The following ADGRB3 variants were observed in gnomAD, a reference collection of about 807,000 sequenced individuals.
The protein encoded by ADGRB3 is brain-specific angiogenesis inhibitor 3.
A neutral mutation model predicts 193.4 loss-of-function variants in ADGRB3; 37 were observed. That is an observed-to-expected ratio of 0.19 (90% confidence interval 0.15 to 0.25). ADGRB3 has a LOEUF of 0.25. Among genes scored for constraint, ADGRB3 ranks in the 10% least tolerant of loss-of-function variants. The pLI is 1.00. For synonymous variants in ADGRB3, 690 were observed against 644.2 expected (o/e 1.07, Z -1.08); for missense variants, 1,637 against 1,852.9 (o/e 0.88, Z 2.14).
At chr6:68,880,422 A>T (rs575403314) in intron 3 of ADGRB3, among the ~76,000 whole-genome samples, 4 of 152,338 alleles carry the variant, frequency 2.6e-5, no homozygotes, top group African/African-American at 9.6e-5. Context: ...TCTTAAGTGT[A>T]AAAACTCTTA....
chr6:69,102,177 CAAAAA>C (rs777752874), intron 17 of ADGRB3, among the ~76,000 whole-genome samples: 1 of 91,110 alleles, frequency 1.1e-5, no homozygotes, highest in East Asian at 2.7e-4. Flanking sequence ...GACTCCGTCT[CAAAAA>C]AAAAAAAAAA....
At chr6:69,326,956 C>G (rs868624920) in intron 21 of ADGRB3, among the ~76,000 whole-genome samples, 3 of 152,164 alleles carry the variant, frequency 2.0e-5, no homozygotes, top group Non-Finnish European at 4.4e-5. Flanking sequence ...TTCCATAGTT[C>G]TTGTCATTAA....
chr6:69,017,838 G>A (rs946950832), intron 12 of ADGRB3, among the ~76,000 whole-genome samples: 3 of 151,822 alleles, frequency 2.0e-5, no homozygotes, highest in Non-Finnish European at 1.5e-5. Context: ...TACATGTAAA[G>A]CACATGCACT....
In ADGRB3 at chr6:68,635,979, C is replaced by G. The variant is rs1292899571; in HGVS notation, c.-209C>G. 1 of 152,714 alleles carries G rather than the reference C, an allele frequency of 6.5e-6. No individual in the cohort carries two copies. 9.5% of individuals were successfully genotyped at this position (152,714 alleles called of 1,614,324 possible). Reference sequence around the variant, plus strand: ...TGCTGGTGTCTTAGAGCAAGAGCCTCCCTGAGCTTTCGGAGTGGAAGGTAA... The same window carrying G: ...TGCTGGTGTCTTAGAGCAAGAGCCTGCCTGAGCTTTCGGAGTGGAAGGTAA... On this transcript the variant is annotated 5_prime_UTR_variant, in exon 1 of 32. Coordinates refer to ENST00000370598, the MANE Select transcript of ADGRB3 (RefSeq NM_001704.3).
intron 3 of ADGRB3, among the ~76,000 whole-genome samples, chr6:68,853,054 A>G (rs12202836): frequency 0.13 from 20,448 of 152,026 alleles, 1,828 homozygotes; most frequent in Middle Eastern, 0.2. Flanking sequence ...ATTTAATTTC[A>G]TACCTGAAAT....
intron 3 of ADGRB3, among the ~76,000 whole-genome samples, chr6:68,776,616 G>C (rs951069145): frequency 6.6e-6 from 1 of 152,164 alleles, no homozygotes; most frequent in Non-Finnish European, 1.5e-5. Flanking sequence ...CACCGTGTGG[G>C]AGAGAGAACT....
intron 3 of ADGRB3, among the ~76,000 whole-genome samples, chr6:68,928,300 A>T (rs932844975): frequency 5.3e-5 from 8 of 152,098 alleles, no homozygotes; most frequent in Admixed American, 2.6e-4. Context: ...CAGAGGTGGG[A>T]GGATCCCTTG....
chr6:68,771,903 C>T (rs751998346), intron 3 of ADGRB3, among the ~76,000 whole-genome samples: 37 of 152,000 alleles, frequency 2.4e-4, no homozygotes, highest in South Asian at 6.2e-4. Flanking sequence ...GCAATCAGCC[C>T]GCACAGCATT....
intron 20 of ADGRB3, among the ~76,000 whole-genome samples, chr6:69,282,425 G>C (rs1302391306): frequency 6.6e-6 from 1 of 152,018 alleles, no homozygotes; most frequent in Non-Finnish European, 1.5e-5. Context: ...ATTTAATGAA[G>C]GCACGGGAGA....
chr6:68,671,568 G>C (rs180729598), intron 3 of ADGRB3, among the ~76,000 whole-genome samples: 2 of 151,958 alleles, frequency 1.3e-5, no homozygotes, highest in East Asian at 3.9e-4. Flanking sequence ...TGAGTGATTT[G>C]CATATGTTGA....
chr6:69,098,562 G>A lies in ADGRB3; in HGVS notation c.2480+22524G>A, dbSNP rs192661401. Among the ~76,000 whole-genome samples, 23 of 152,154 alleles carry A rather than the reference G, an allele frequency of 1.5e-4. 1 individual carries two copies. In the East Asian group the frequency reaches 4.4e-3, roughly 29 times the overall value. On this transcript the variant is annotated intron_variant, in intron 17 of 31. Transcript: ENST00000370598. Reference sequence around the variant, plus strand: ...TTACAATTATGGCAGAAGGTTAAGGGGAAGTGCCACACTTTTAAACCATCC... The same window carrying A: ...TTACAATTATGGCAGAAGGTTAAGGAGAAGTGCCACACTTTTAAACCATCC...
chr6:68,651,217 A>G (rs1235984991), intron 3 of ADGRB3, among the ~76,000 whole-genome samples: 4 of 152,258 alleles, frequency 2.6e-5, no homozygotes, highest in African/African-American at 9.6e-5. Flanking sequence ...GGCAAACTGT[A>G]TATTTTTTAA....
intron 29 of ADGRB3, among the ~76,000 whole-genome samples, chr6:69,370,382 G>A (rs1490795393): frequency 6.6e-6 from 1 of 151,912 alleles, no homozygotes; most frequent in Admixed American, 6.6e-5. Context: ...AATTTTTAAG[G>A]CTTTACTGCT....
chr6:68,799,561 C>T, intron 3 of ADGRB3, among the ~76,000 whole-genome samples: 1 of 151,616 alleles, frequency 6.6e-6, no homozygotes, highest in East Asian at 1.9e-4. Flanking sequence ...ACTGTATCTA[C>T]AAAACATAAA....
intron 10 of ADGRB3, among the ~76,000 whole-genome samples, chr6:68,980,356 A>G (rs1768872648): frequency 6.6e-6 from 1 of 151,534 alleles, no homozygotes; most frequent in Non-Finnish European, 1.5e-5. Context: ...AGCTACAGAC[A>G]GAGAGACCAA....
intron 20 of ADGRB3, among the ~76,000 whole-genome samples, chr6:69,242,716 C>A (rs1582571861): frequency 6.6e-6 from 1 of 151,992 alleles, no homozygotes; most frequent in Non-Finnish European, 1.5e-5. Flanking sequence ...TTTATTATAT[C>A]TTTTCTTAAA....
intron 13 of ADGRB3, among the ~76,000 whole-genome samples, chr6:69,034,075 G>A (rs1582409518): frequency 2.0e-5 from 3 of 152,074 alleles, no homozygotes; most frequent in Admixed American, 2.0e-4. Flanking sequence ...TTGAGACTAA[G>A]ATACTAAAGC....
intron 12 of ADGRB3, among the ~76,000 whole-genome samples, chr6:69,015,872 AC>A (rs1770075197): frequency 6.6e-6 from 1 of 151,916 alleles, no homozygotes; most frequent in Non-Finnish European, 1.5e-5. Flanking sequence ...TCTATAGAGC[AC>A]CACTTTACAC....
At chr6:69,365,680 A>G (rs1769552616) in intron 29 of ADGRB3, among the ~76,000 whole-genome samples, 1 of 152,086 alleles carries the variant, frequency 6.6e-6, no homozygotes, top group Non-Finnish European at 1.5e-5. Context: ...AAGCTTACCT[A>G]TATGTCTGAA....
Sources: allele counts gnomAD v4.1 joint callset (sites outside exome capture counted in the v4.1 genomes callset), GRCh38; gene constraint gnomAD v4.1.1; transcripts MANE v1.5; gene names NCBI Gene and HGNC (gene_info 2026-07-23, HGNC 2026-07-21).